Variants in STIMATE observed in about 807,000 individuals in gnomAD.
STIMATE encodes the protein STIM activating enhancer.
A neutral mutation model predicts 36.7 loss-of-function variants in STIMATE; 15 were observed. The observed-to-expected ratio is 0.41, with a 90% CI of 0.27 to 0.63. The LOEUF (loss-of-function observed/expected upper bound fraction) is 0.63. Among genes scored for constraint, STIMATE ranks in the 20% least tolerant of loss-of-function variants. The pLI, the probability that STIMATE is intolerant of heterozygous loss-of-function variation, is 0.32. For synonymous variants in STIMATE, 163 were observed against 162.3 expected, an observed-to-expected ratio of 1.00 and a Z score of -0.03; for missense variants, 305 against 397.3, an observed-to-expected ratio of 0.77 and a Z score of 1.98.
At chr3:52,843,621 C>T in intron 6 of STIMATE, 100 bp downstream of exon 6, 1 of 1,451,740 alleles carries the variant, frequency 6.9e-7, no homozygotes, top group Non-Finnish European at 9.2e-7. Context: ...GCAAAAAGAC[C>T]TGAGGGCTAC....
chr3:52,879,866 T>A (rs1386005125), intron 1 of STIMATE, among the ~76,000 whole-genome samples: 1 of 152,158 alleles, frequency 6.6e-6, no homozygotes, highest in East Asian at 1.9e-4. Context: ...CTCTGCCTCC[T>A]AGCCAGCCTC....
intron 2 of STIMATE, among the ~76,000 whole-genome samples, chr3:52,854,493 T>C (rs892975646): frequency 6.6e-6 from 1 of 152,226 alleles, no homozygotes; most frequent in African/African-American, 2.4e-5. Flanking sequence ...AACACATCCA[T>C]GTGCTGGGAA....
intron 1 of STIMATE, among the ~76,000 whole-genome samples, chr3:52,859,420 A>C (rs1701167292): frequency 8.1e-6 from 1 of 124,042 alleles, no homozygotes; most frequent in African/African-American, 3.0e-5. Context: ...TAATCCCAGC[A>C]CTTTGGGAGG....
intron 4 of STIMATE, among the ~76,000 whole-genome samples, chr3:52,849,162 T>G (rs1295918794): frequency 2.0e-5 from 3 of 152,206 alleles, no homozygotes; most frequent in Non-Finnish European, 2.9e-5. Flanking sequence ...AAGGCTCCAC[T>G]GATACTGATC....
At chr3:52,859,528 A>AT (rs1701172758) in intron 1 of STIMATE, among the ~76,000 whole-genome samples, 3 of 108,232 alleles carry the variant, frequency 2.8e-5, no homozygotes, top group African/African-American at 1.0e-4. Context: ...AAAAAAAAAA[A>AT]AAATTTTTTT....
In STIMATE at chr3:52,854,914, A is replaced by G. The variant is rs537196641; in HGVS notation, c.209+482T>C. Among the ~76,000 whole-genome samples the G allele has an allele frequency of 5.3e-5, 8 of 152,300 alleles. No individual in the cohort carries two copies. In the East Asian group the frequency reaches 1.5e-3, roughly 29 times the overall value. ...TGCTGGGGGAAGAAAACCCTCATATATTTGGTGTCAGAAGTATTTTGAGTA... is the reference window on the plus strand; with the variant it reads ...TGCTGGGGGAAGAAAACCCTCATATGTTTGGTGTCAGAAGTATTTTGAGTA... On this transcript the variant is annotated intron_variant, in intron 2 of 7. Coordinates refer to ENST00000355083, the MANE Select transcript of STIMATE (RefSeq NM_198563.5).
chr3:52,885,525 T>C (rs987662507), intron 1 of STIMATE, among the ~76,000 whole-genome samples: 6 of 152,218 alleles, frequency 3.9e-5, no homozygotes, highest in Non-Finnish European at 7.3e-5. Flanking sequence ...TGGAAAGAAC[T>C]CAAATGTCTC....
chr3:52,872,719 G>A (rs762919831), intron 1 of STIMATE, among the ~76,000 whole-genome samples: 4 of 152,102 alleles, frequency 2.6e-5, no homozygotes, highest in African/African-American at 9.7e-5. Context: ...TCCGCCTCCC[G>A]GGTTCAAGTG....
In STIMATE at chr3:52,897,396, T is replaced by G. The variant is rs1485862789; in HGVS notation, c.55A>C (p.Thr19Pro). 4 of 1,494,400 alleles carry G rather than the reference T, an allele frequency of 2.7e-6. No homozygotes were observed. Among genetic ancestry groups the G allele is most frequent in the Non-Finnish European group, 3.5e-6 (4 of 1,128,844 alleles). 92.6% of individuals were successfully genotyped at this position (1,494,400 alleles called of 1,614,324 possible). ...CAGCGGCCCGCCCCGGACGCGACTG[T>G]GGAGGGCGGCCCGCCTGGCAGTCCC... ...SRGLPGGPPS[T>P]VASGAGRCES... Residue 19 changes from threonine to proline, a missense_variant, in exon 1 of 8, where the codon ACA becomes CCA. Physicochemically the swap from Thr to Pro is conservative, Grantham distance 38 (BLOSUM62 -1). Transcript: ENST00000355083.
chr3:52,874,656 T>C (rs1013768192), intron 1 of STIMATE, among the ~76,000 whole-genome samples: 3 of 151,608 alleles, frequency 2.0e-5, no homozygotes, highest in African/African-American at 7.3e-5. Context: ...AGGTCAGGAG[T>C]TTGAGACCAG....
chr3:52,857,503 C>T (rs187670351), intron 1 of STIMATE, among the ~76,000 whole-genome samples: 19 of 152,292 alleles, frequency 1.2e-4, no homozygotes, highest in Non-Finnish European at 2.8e-4. Context: ...ACTGCATGCT[C>T]ATTTCTCCTT....
At chr3:52,869,315 A>T (rs911100423) in intron 1 of STIMATE, among the ~76,000 whole-genome samples, 2 of 152,216 alleles carry the variant, frequency 1.3e-5, no homozygotes, top group Non-Finnish European at 2.9e-5. Context: ...CTCCAGTGCC[A>T]GCCCCACATC....
intron 1 of STIMATE, among the ~76,000 whole-genome samples, chr3:52,856,593 A>G (rs1027191024): frequency 6.6e-5 from 10 of 152,132 alleles, no homozygotes; most frequent in Non-Finnish European, 8.8e-5. Flanking sequence ...CTGAGGTGGG[A>G]GGGTCACTTG....
chr3:52,838,187 T>C lies in STIMATE; in HGVS notation c.*2307A>G, dbSNP rs915513526. The C allele has an allele frequency of 6.6e-6, 1 of 152,260 alleles. No individual in the cohort carries two copies. The highest frequency in any genetic ancestry group is 2.4e-5 in the African/African-American group (1 of 41,456). The allele number at this position is 152,260 out of a possible 1,614,324, so 9.4% of individuals were successfully genotyped here. On this transcript the variant is annotated 3_prime_UTR_variant, in exon 8 of 8. Coordinates refer to ENST00000355083, the MANE Select transcript of STIMATE (RefSeq NM_198563.5). The stretch of plus-strand genomic sequence containing the variant: ...AACCACCACTCTTCAGCTACCTCTT[T>C]GTTCCCCAAACCCTCTGCTCACTGG...
At chr3:52,893,199 T>C (rs1441592204) in intron 1 of STIMATE, among the ~76,000 whole-genome samples, 2 of 152,132 alleles carry the variant, frequency 1.3e-5, no homozygotes, top group Non-Finnish European at 2.9e-5. Flanking sequence ...TTTGGGGAAA[T>C]GTGACTATGG....
chr3:52,852,825 G>A, intron 2 of STIMATE, 127 bp from the exon 3 acceptor site: 2 of 1,165,562 alleles, frequency 1.7e-6, no homozygotes, highest in Non-Finnish European at 2.4e-6. Flanking sequence ...ATCTCTTCCT[G>A]GGGCCTTGAG....
intron 1 of STIMATE, among the ~76,000 whole-genome samples, chr3:52,858,092 T>G (rs1183282375): frequency 6.6e-6 from 1 of 151,994 alleles, no homozygotes; most frequent in African/African-American, 2.4e-5. Context: ...ACACCTTCAT[T>G]GCGGTCTTCC....
intron 1 of STIMATE, among the ~76,000 whole-genome samples, chr3:52,869,413 T>C (rs1270662224): frequency 6.6e-6 from 1 of 152,230 alleles, no homozygotes; most frequent in Non-Finnish European, 1.5e-5. Flanking sequence ...GTGCTGTCAC[T>C]CATACTGTCC....
chr3:52,866,147 T>C (rs1407777001), intron 1 of STIMATE, among the ~76,000 whole-genome samples: 2 of 152,244 alleles, frequency 1.3e-5, no homozygotes, highest in Middle Eastern at 3.2e-3. Flanking sequence ...TCAAAAGCTA[T>C]GTGCGGCTTA....
Sources: allele counts gnomAD v4.1 joint callset (sites outside exome capture counted in the v4.1 genomes callset), GRCh38; gene constraint gnomAD v4.1.1; transcripts MANE v1.5; gene names NCBI Gene and HGNC (gene_info 2026-07-23, HGNC 2026-07-21).